THSD7B: variants seen among roughly 807,000 people sequenced by gnomAD.
THSD7B encodes the protein thrombospondin type 1 domain containing 7B.
Under a neutral mutation model 213.6 loss-of-function variants are expected in THSD7B, and 138 were observed. That is an observed-to-expected ratio of 0.65 (90% CI 0.56 to 0.74). The LOEUF is 0.74. Ranked by LOEUF, THSD7B falls within the 30% of genes least tolerant of loss-of-function variation. THSD7B has a pLI of 0.00. For synonymous variants in THSD7B, 742 were observed against 687.0 expected, an observed-to-expected ratio of 1.08 and a Z score of -1.25; for missense variants, 1,931 against 1,991.5, an observed-to-expected ratio of 0.97 and a Z score of 0.58.
rs80066674 is a variant in THSD7B, at chr2:137,243,001, T to G, written c.2266+429T>G. Among the ~76,000 whole-genome samples the G allele has an allele frequency of 6.8e-4, 103 of 152,298 alleles. 1 individual carries two copies. In the East Asian group the frequency reaches 0.012, roughly 18 times the overall value. ...TCACTGATTAATATAAGTACATGGATTACAAGAGCAGATACATTACAAAGT... is the reference window on the plus strand; with the variant it reads ...TCACTGATTAATATAAGTACATGGAGTACAAGAGCAGATACATTACAAAGT... On this transcript the variant is annotated intron_variant, in intron 10 of 27. Coordinates refer to ENST00000409968, the MANE Select transcript of THSD7B (RefSeq NM_001316349.2).
chr2:137,181,775 T>G (rs910153535), intron 7 of THSD7B, among the ~76,000 whole-genome samples: 7 of 152,136 alleles, frequency 4.6e-5, no homozygotes, highest in Non-Finnish European at 7.4e-5. Flanking sequence ...CTCATCATCA[T>G]GGCAAACAAA....
At chr2:137,104,749 A>G (rs768044295) in intron 4 of THSD7B, among the ~76,000 whole-genome samples, 2 of 152,196 alleles carry the variant, frequency 1.3e-5, no homozygotes, top group Non-Finnish European at 2.9e-5. Context: ...CCATAGAAAT[A>G]CAAACTACAA....
At chr2:137,229,082 A>G (rs1243002840) in intron 7 of THSD7B, among the ~76,000 whole-genome samples, 3 of 152,208 alleles carry the variant, frequency 2.0e-5, no homozygotes, top group Non-Finnish European at 4.4e-5. Flanking sequence ...GTATATTGGC[A>G]TTTTCAACAC....
At chr2:136,988,352 A>G (rs1405764055) in intron 2 of THSD7B, among the ~76,000 whole-genome samples, 3 of 152,228 alleles carry the variant, frequency 2.0e-5, no homozygotes, top group Non-Finnish European at 4.4e-5. Flanking sequence ...ATTTTTACCT[A>G]TTGTGGAAAA....
intron 15 of THSD7B, among the ~76,000 whole-genome samples, chr2:137,475,543 G>A (rs866655816): frequency 6.6e-6 from 1 of 152,006 alleles, no homozygotes; most frequent in African/African-American, 2.4e-5. Context: ...CATGAGATAC[G>A]CTATTTTAGA....
chr2:137,604,026 G>T (rs2104826062), intron 17 of THSD7B, among the ~76,000 whole-genome samples: 1 of 152,136 alleles, frequency 6.6e-6, no homozygotes, highest in Non-Finnish European at 1.5e-5. Flanking sequence ...CAGGAGAATT[G>T]CTTGAACCTG....
chr2:136,826,549 T>G (rs1271134854), intron 1 of THSD7B, among the ~76,000 whole-genome samples: 1 of 152,190 alleles, frequency 6.6e-6, no homozygotes, highest in Non-Finnish European at 1.5e-5. Context: ...CTTTCTTCTC[T>G]CTTCTTCTCC....
chr2:137,223,046 G>C (rs1573896023), intron 7 of THSD7B, among the ~76,000 whole-genome samples: 1 of 152,208 alleles, frequency 6.6e-6, no homozygotes, highest in Non-Finnish European at 1.5e-5. Flanking sequence ...TAGGCACAGA[G>C]TGGGCCTGAG....
At chr2:137,024,984 C>T (rs1038027976) in intron 2 of THSD7B, among the ~76,000 whole-genome samples, 1 of 152,178 alleles carries the variant, frequency 6.6e-6, no homozygotes, top group African/African-American at 2.4e-5. Flanking sequence ...GCAGCGGCCT[C>T]CTGTCTGAAC....
intron 12 of THSD7B, among the ~76,000 whole-genome samples, chr2:137,312,395 C>T (rs1441025770): frequency 1.2e-4 from 18 of 148,560 alleles, no homozygotes; most frequent in African/African-American, 4.3e-4. Context: ...ATTCTTCTCT[C>T]TTTTTTTCTT....
chr2:137,219,340 C>A (rs144955587), intron 7 of THSD7B, among the ~76,000 whole-genome samples: 1 of 152,032 alleles, frequency 6.6e-6, no homozygotes, highest in African/African-American at 2.4e-5. Flanking sequence ...GATTTGTTTT[C>A]CCAAGTACAA....
chr2:137,472,911 A>T (rs1261743802), intron 15 of THSD7B, among the ~76,000 whole-genome samples: 1 of 152,170 alleles, frequency 6.6e-6, no homozygotes, highest in Admixed American at 6.5e-5. Flanking sequence ...CCATTGAGTT[A>T]TGCTGGTATG....
intron 2 of THSD7B, among the ~76,000 whole-genome samples, chr2:136,911,227 G>A (rs1330373209): frequency 1.3e-5 from 2 of 152,182 alleles, no homozygotes; most frequent in African/African-American, 4.8e-5. Context: ...AATCTTTAAT[G>A]TTTGTAACCA....
At chr2:137,404,616 T>C (rs1327869320) in intron 12 of THSD7B, among the ~76,000 whole-genome samples, 2 of 149,498 alleles carry the variant, frequency 1.3e-5, no homozygotes, top group African/African-American at 4.9e-5. Context: ...CTATATATGA[T>C]CATATATATG....
chr2:137,568,071 T>C (rs1325317893), intron 16 of THSD7B, among the ~76,000 whole-genome samples: 2 of 152,100 alleles, frequency 1.3e-5, no homozygotes. Flanking sequence ...TTTCAAAGGC[T>C]TTTTGGTTTA....
intron 15 of THSD7B, among the ~76,000 whole-genome samples, chr2:137,499,678 A>G (rs1271456111): frequency 6.6e-6 from 1 of 152,224 alleles, no homozygotes; most frequent in Admixed American, 6.5e-5. Flanking sequence ...GATATGAGAC[A>G]TGACAATACT....
In THSD7B at chr2:136,970,814, A is replaced by C. The variant is rs535768801; in HGVS notation, c.140-85606A>C. 1.1e-4 allele frequency among the ~76,000 whole-genome samples: 17 copies of C among 152,344 alleles called. 1 individual carries two copies. The South Asian group carries it at 3.5e-3, about 32-fold the overall frequency. On this transcript the variant is annotated intron_variant, in intron 2 of 27. Coordinates refer to ENST00000409968, the MANE Select transcript of THSD7B (RefSeq NM_001316349.2). ...TTTCAAAAAGAAAGAAAGAGAGTGA[A>C]AAATGCACCTTATTTACAAAGCAAT...
intron 11 of THSD7B, among the ~76,000 whole-genome samples, chr2:137,275,480 TTATTCTC>T (rs1319087508): frequency 6.6e-6 from 1 of 152,006 alleles, no homozygotes; most frequent in Non-Finnish European, 1.5e-5. Context: ...GTTCAAACCT[TTATTCTC>T]TAACGCACCA....
intron 7 of THSD7B, among the ~76,000 whole-genome samples, chr2:137,229,350 GGTGTGTGT>G (rs143029313): frequency 6.7e-6 from 1 of 150,044 alleles, no homozygotes; most frequent in Non-Finnish European, 1.5e-5. Context: ...TGCTGTATTG[GGTGTGTGT>G]GTGTGTGTGT....
Sources: allele counts gnomAD v4.1 joint callset (sites outside exome capture counted in the v4.1 genomes callset), GRCh38; gene constraint gnomAD v4.1.1; transcripts MANE v1.5; gene names NCBI Gene and HGNC (gene_info 2026-07-23, HGNC 2026-07-21).